TIMP2: variants seen among roughly 807,000 people sequenced by gnomAD.
TIMP2 encodes the protein TIMP metallopeptidase inhibitor 2.
In TIMP2, 5 loss-of-function variants were observed where a neutral mutation model predicts 24.3. The observed-to-expected ratio is 0.21, with a 90% CI of 0.11 to 0.43. The LOEUF is 0.43. TIMP2 is among the 20% of genes least tolerant of loss of function. The pLI, the probability that TIMP2 is intolerant of heterozygous loss-of-function variation, is 1.00. For missense variants in TIMP2, 221 were observed against 297.5 expected, an observed-to-expected ratio of 0.74 and a Z score of 1.89; for synonymous variants, 130 against 123.2, an observed-to-expected ratio of 1.06 and a Z score of -0.37.
At chr17:78,921,470 T>C (rs556346058) in intron 1 of TIMP2, among the ~76,000 whole-genome samples, 1 of 152,318 alleles carries the variant, frequency 6.6e-6, no homozygotes, top group African/African-American at 2.4e-5. Flanking sequence ...GGCTTTACCC[T>C]TGAGTCCAGA....
chr17:78,890,203 C>CTT (rs879844069), intron 1 of TIMP2, among the ~76,000 whole-genome samples: 176 of 134,296 alleles, frequency 1.3e-3, no homozygotes, highest in African/African-American at 4.9e-3. Context: ...TGACAGATTG[C>CTT]TTTTTTTTTT....
intron 1 of TIMP2, among the ~76,000 whole-genome samples, chr17:78,879,532 T>A (rs1451682289): frequency 1.3e-5 from 2 of 152,134 alleles, no homozygotes; most frequent in African/African-American, 2.4e-5. Flanking sequence ...CCATCTCCTG[T>A]CCATGCCCCC....
intron 1 of TIMP2, among the ~76,000 whole-genome samples, chr17:78,884,346 A>G (rs2069806959): frequency 6.6e-6 from 1 of 152,182 alleles, no homozygotes; most frequent in Non-Finnish European, 1.5e-5. Flanking sequence ...TTTGGGGACG[A>G]ACGTGAGGTC....
Position 78,902,053 on chromosome 17 carries a change from C to T in TIMP2, c.130+22906G>A, listed in dbSNP as rs550393359. 4.3e-4 allele frequency: 220 copies of T among 514,482 alleles called. 4 individuals carry two copies. The South Asian group carries it at 5.0e-3, about 12-fold the overall frequency. The allele number at this position is 514,482 out of a possible 1,614,324, so 31.9% of individuals were successfully genotyped here. On this transcript the variant is annotated intron_variant, in intron 1 of 4. Coordinates refer to ENST00000262768, the MANE Select transcript of TIMP2 (RefSeq NM_003255.5). ...TGTGTGCTGCCAGAGGCTTGGTTTT[C>T]GCCCTCTTCTCCCCAACTCTTAGCC...
In TIMP2 at chr17:78,855,410, G is replaced by A; in HGVS notation, c.*257C>T. The A allele has an allele frequency of 1.9e-6, 1 of 530,266 alleles. No individual in the cohort carries two copies. The highest frequency in any genetic ancestry group is 3.4e-6 in the Non-Finnish European group (1 of 293,432). 32.8% of individuals were successfully genotyped at this position (530,266 alleles called of 1,614,324 possible). On this transcript the variant is annotated 3_prime_UTR_variant, in exon 5 of 5. Transcript: ENST00000262768. This position sits in a 1 kb window ranked among gnomAD's most constrained non-coding sequence, Gnocchi z 6.0. ...GAGGGAAGCCGCGTGTCCCAGCCCT[G>A]CCTGCACCCAAGGATCGAAGCCCCA...
intron 1 of TIMP2, among the ~76,000 whole-genome samples, chr17:78,883,947 T>A (rs2069802411): frequency 6.6e-6 from 1 of 152,186 alleles, no homozygotes. Flanking sequence ...GCCCTTCCCA[T>A]TCACGTGCTG....
chr17:78,878,333 C>CAGGACAAA (rs1599152714), intron 1 of TIMP2, among the ~76,000 whole-genome samples: 1 of 152,216 alleles, frequency 6.6e-6, no homozygotes, highest in African/African-American at 2.4e-5. Flanking sequence ...ACGATGACAA[C>CAGGACAAA]AGTCTTGACA....
At position 78,901,609 on chromosome 17, in the gene TIMP2, C is replaced by CAGAGTATGGTGCTTA. The variant is rs1180582026; in HGVS notation, c.130+23335_130+23349dup. Among the ~76,000 whole-genome samples, 6 of 152,234 alleles carry CAGAGTATGGTGCTTA rather than the reference C, an allele frequency of 3.9e-5. No homozygotes were observed. The East Asian group carries it at 1.2e-3, about 30-fold the overall frequency. ...CAAAGGATAGAAAAGTCTAGAATGG[C>CAGAGTATGGTGCTTA]AGAGTATGGTGCTTAAGAGTACTAT... is the stretch of plus-strand genomic sequence containing the variant. On this transcript the variant is annotated intron_variant, in intron 1 of 4. Transcript: ENST00000262768.
At chr17:78,923,539 G>C (rs541508655) in intron 1 of TIMP2, among the ~76,000 whole-genome samples, 44 of 152,250 alleles carry the variant, frequency 2.9e-4, no homozygotes, top group African/African-American at 1.0e-3. Flanking sequence ...GCCTGGACAG[G>C]CCTGCACTCC....
chr17:78,857,289 C>T, intron 4 of TIMP2: 1 of 549,606 alleles, frequency 1.8e-6, no homozygotes, highest in Non-Finnish European at 3.2e-6. Flanking sequence ...CGCCCGGCCT[C>T]CAGACATCCC....
intron 1 of TIMP2, among the ~76,000 whole-genome samples, chr17:78,894,532 G>A (rs777504538): frequency 7.2e-5 from 11 of 152,190 alleles, no homozygotes; most frequent in South Asian, 2.1e-4. Flanking sequence ...AAGGTGCCAC[G>A]GCAATTTAAT....
chr17:78,906,991 A>G (rs868066476), intron 1 of TIMP2, among the ~76,000 whole-genome samples: 1 of 152,108 alleles, frequency 6.6e-6, no homozygotes, highest in East Asian at 1.9e-4. Flanking sequence ...CTGTCAGCCT[A>G]CCTTGGCTTT....
rs1277645011 is a variant in TIMP2, at chr17:78,909,570, T to G, written c.130+15389A>C. On this transcript the variant is annotated intron_variant, in intron 1 of 4. Coordinates refer to ENST00000262768, the MANE Select transcript of TIMP2 (RefSeq NM_003255.5). ...CCTGGTGCCAGAGGCCTGGCCATGGTGCAGCTGGACCCCCAGCTGCCCGTG... is the reference window on the plus strand; with the variant it reads ...CCTGGTGCCAGAGGCCTGGCCATGGGGCAGCTGGACCCCCAGCTGCCCGTG... 1.4e-5 allele frequency among the ~76,000 whole-genome samples: 2 copies of G among 138,708 alleles called. 1 individual carries two copies. The highest frequency in any genetic ancestry group is 1.4e-4 in the Admixed American group (2 of 13,924). 91.0% of individuals were successfully genotyped at this position (138,708 alleles called of 152,430 possible).
intron 3 of TIMP2, among the ~76,000 whole-genome samples, chr17:78,865,055 T>TAAATA (rs912566482): frequency 7.3e-5 from 11 of 151,698 alleles, no homozygotes; most frequent in Admixed American, 6.6e-4. Context: ...GTCTCATAAA[T>TAAATA]AAATAAAATA....
rs2069512660 is a variant in TIMP2 at position 78,854,931 on chromosome 17, G to GGGGGGGGGGGGGGA, written c.*735_*736insTCCCCCCCCCCCCC. The GGGGGGGGGGGGGGA allele has an allele frequency of 7.7e-6, 1 of 129,154 alleles. No individual in the cohort carries two copies. The highest frequency in any genetic ancestry group is 1.7e-5 in the Non-Finnish European group (1 of 59,074). 8.0% of individuals were successfully genotyped at this position (129,154 alleles called of 1,614,324 possible). Reference sequence around the variant, plus strand: ...TGGGGAGCATGTGGGCGGGGGGGGGGGGGTGGGGGGGTGGGTGCAGACCAA... The same window carrying GGGGGGGGGGGGGGA: ...TGGGGAGCATGTGGGCGGGGGGGGGGGGGGGGGGGGGGGAGGGTGGGGGGGTGGGTGCAGACCAA... On this transcript the variant is annotated 3_prime_UTR_variant, in exon 5 of 5. Coordinates refer to ENST00000262768, the MANE Select transcript of TIMP2 (RefSeq NM_003255.5).
intron 1 of TIMP2, chr17:78,897,815 G>A (rs1016162871): frequency 6.6e-6 from 1 of 152,190 alleles, no homozygotes; most frequent in African/African-American, 2.4e-5. Context: ...CTTGGCTAGA[G>A]TCACTGCAAC....
intron 2 of TIMP2, among the ~76,000 whole-genome samples, chr17:78,873,114 T>C (rs1445033572): frequency 6.6e-6 from 1 of 152,014 alleles, no homozygotes; most frequent in Non-Finnish European, 1.5e-5. Flanking sequence ...GTGCCTGGTT[T>C]ACTTTTTATT....
At chr17:78,923,400 G>C (rs1450956658) in intron 1 of TIMP2, among the ~76,000 whole-genome samples, 2 of 138,946 alleles carry the variant, frequency 1.4e-5, no homozygotes, top group East Asian at 2.4e-4. Context: ...GCGGGGTGGG[G>C]GGGGGGGCGG....
intron 1 of TIMP2, among the ~76,000 whole-genome samples, chr17:78,918,065 AAC>A (rs57256110): frequency 0.066 from 9,527 of 144,602 alleles, 374 homozygotes; most frequent in African/African-American, 0.11. Context: ...TGCACACACA[AAC>A]ACACACACAC....
Sources: gnomAD v4.1 joint callset for allele counts (sites outside exome capture counted in the v4.1 genomes callset) on GRCh38, gnomAD v4.1.1 for gene constraint, Gnocchi (gnomAD v3.1) non-coding constraint, MANE v1.5 for transcripts, NCBI Gene and HGNC (gene_info 2026-07-23, HGNC 2026-07-21) for gene names.